FBXW4: variants seen among roughly 807,000 people sequenced by gnomAD.
The protein encoded by FBXW4 is F-box/WD repeat-containing protein 4.
Under a neutral mutation model 61.8 loss-of-function variants are expected in FBXW4, and 40 were observed. The observed-to-expected ratio is 0.65, with a 90% CI of 0.50 to 0.84. The LOEUF (loss-of-function observed/expected upper bound fraction) is 0.84. Among genes scored for constraint, FBXW4 ranks in the 40% least tolerant of loss-of-function variants. The pLI is 0.00. For synonymous variants in FBXW4, 311 were observed against 313.8 expected (o/e 0.99, Z 0.10); for missense variants, 672 against 753.8 (o/e 0.89, Z 1.27).
At chr10:101,680,413 C>T (rs1296826210) in intron 1 of FBXW4, among the ~76,000 whole-genome samples, 1 of 152,002 alleles carries the variant, frequency 6.6e-6, no homozygotes, top group Non-Finnish European at 1.5e-5. Flanking sequence ...TTAAAAGCAA[C>T]AGAGTAGGGG....
chr10:101,651,255 C>T (rs915735779), intron 5 of FBXW4, among the ~76,000 whole-genome samples: 9 of 151,930 alleles, frequency 5.9e-5, no homozygotes, highest in Non-Finnish European at 1.2e-4. Flanking sequence ...CATTGTGCCC[C>T]AGAAAGAGGG....
At chr10:101,640,882 G>C (rs569129965) in intron 5 of FBXW4, among the ~76,000 whole-genome samples, 1 of 151,234 alleles carries the variant, frequency 6.6e-6, no homozygotes, top group South Asian at 2.1e-4. Context: ...TCAGGCTGGA[G>C]TACAATGGTG....
intron 5 of FBXW4, among the ~76,000 whole-genome samples, chr10:101,641,814 T>C (rs1455969481): frequency 6.6e-6 from 1 of 152,126 alleles, no homozygotes; most frequent in Non-Finnish European, 1.5e-5. Flanking sequence ...CAAAATAATA[T>C]ATGAGATGTT....
chr10:101,679,398 G>A (rs1189971564), intron 1 of FBXW4, among the ~76,000 whole-genome samples: 1 of 152,100 alleles, frequency 6.6e-6, no homozygotes, highest in Non-Finnish European at 1.5e-5. Flanking sequence ...TTTCTAGAAA[G>A]TATATTCTTT....
intron 1 of FBXW4, among the ~76,000 whole-genome samples, chr10:101,681,512 C>CA (rs1391477546): frequency 6.6e-6 from 1 of 150,528 alleles, no homozygotes; most frequent in Non-Finnish European, 1.5e-5. Flanking sequence ...GGTCAGGAGA[C>CA]AGAGACCATC....
chr10:101,622,455 C>T lies in FBXW4; in HGVS notation c.1301+2290G>A, dbSNP rs545303383. Among the ~76,000 whole-genome samples, 8 of 152,266 alleles carry T rather than the reference C, an allele frequency of 5.3e-5. No homozygotes were observed. The South Asian group carries it at 6.2e-4, about 12-fold the overall frequency. On this transcript the variant is annotated intron_variant, in intron 6 of 8. Coordinates refer to ENST00000331272, the MANE Select transcript of FBXW4 (RefSeq NM_022039.4). ...GGATAAAAAGACAAGCAGCCGGGTG[C>T]GGTGGCTCACGCCTGTAATCCCAGC...
intron 5 of FBXW4, among the ~76,000 whole-genome samples, chr10:101,642,442 TG>T: frequency 6.6e-6 from 1 of 151,722 alleles, no homozygotes; most frequent in African/African-American, 2.4e-5. Flanking sequence ...CAGGTTCCTC[TG>T]AAGTCCCATC....
chr10:101,684,908 G>A (rs796801069), intron 1 of FBXW4, among the ~76,000 whole-genome samples: 1 of 152,148 alleles, frequency 6.6e-6, no homozygotes, highest in Non-Finnish European at 1.5e-5. Context: ...AAACATGCCA[G>A]CATGAGGACA....
At chr10:101,653,422 T>G (rs909425177) in intron 5 of FBXW4, among the ~76,000 whole-genome samples, 30 of 152,178 alleles carry the variant, frequency 2.0e-4, no homozygotes, top group African/African-American at 7.2e-4. Context: ...AAAACTAGAC[T>G]CCAAATTTCC....
chr10:101,626,216 T>C (rs2063906422), intron 5 of FBXW4: 1 of 152,400 alleles, frequency 6.6e-6, no homozygotes, highest in Admixed American at 6.6e-5. Flanking sequence ...AACTATAGAG[T>C]GGGAGTGCCA....
intron 5 of FBXW4, among the ~76,000 whole-genome samples, chr10:101,654,347 C>T (rs1249215264): frequency 2.0e-5 from 3 of 151,926 alleles, no homozygotes; most frequent in Non-Finnish European, 4.4e-5. Context: ...GAATTGTACA[C>T]TTAAATTGTA....
At chr10:101,645,684 T>C (rs1393970149) in intron 5 of FBXW4, among the ~76,000 whole-genome samples, 1 of 152,224 alleles carries the variant, frequency 6.6e-6, no homozygotes, top group African/African-American at 2.4e-5. Flanking sequence ...ACCAAATTCA[T>C]ATAGGCTTGC....
intron 5 of FBXW4, among the ~76,000 whole-genome samples, chr10:101,638,999 A>T (rs2064027912): frequency 6.6e-6 from 1 of 152,256 alleles, no homozygotes. Flanking sequence ...ATCTATGTAC[A>T]CAATAGGTAA....
intron 5 of FBXW4, among the ~76,000 whole-genome samples, chr10:101,666,116 A>G (rs1011045078): frequency 3.3e-5 from 5 of 152,328 alleles, no homozygotes; most frequent in Admixed American, 1.3e-4. Context: ...GAAACTGAGG[A>G]GGAGACAAAG....
intron 6 of FBXW4, among the ~76,000 whole-genome samples, chr10:101,618,576 C>T (rs1198272458): frequency 1.3e-5 from 2 of 152,118 alleles, no homozygotes; most frequent in Admixed American, 6.5e-5. Context: ...CAGGGATGAC[C>T]CTGGCCCAAA....
rs74958458 is a variant in FBXW4, at chr10:101,664,401, A to G, written c.1235+3485T>C. On this transcript the variant is annotated intron_variant, in intron 5 of 8. Transcript: ENST00000331272. ...ATAAGGGAGCAACAAAGGGTTGAGA[A>G]ATTGGCAGGTAAACCAGGAGTACCT... Among the ~76,000 whole-genome samples, 138 of 152,362 alleles carry G rather than the reference A, an allele frequency of 9.1e-4. No homozygotes were observed. The East Asian group carries it at 0.018, about 20-fold the overall frequency.
At chr10:101,680,352 A>T (rs1293951668) in intron 1 of FBXW4, among the ~76,000 whole-genome samples, 1 of 152,228 alleles carries the variant, frequency 6.6e-6, no homozygotes, top group Admixed American at 6.5e-5. Flanking sequence ...ATTATAAAGT[A>T]TTTGAGTTTA....
intron 5 of FBXW4, among the ~76,000 whole-genome samples, chr10:101,636,768 T>C (rs889635097): frequency 6.6e-6 from 1 of 152,014 alleles, no homozygotes; most frequent in African/African-American, 2.4e-5. Context: ...TTTGTGTTTT[T>C]AGTAGAGACG....
At chr10:101,633,771 A>G (rs772959678) in intron 5 of FBXW4, among the ~76,000 whole-genome samples, 7 of 151,980 alleles carry the variant, frequency 4.6e-5, no homozygotes, top group South Asian at 2.1e-4. Context: ...CAGCAATAAC[A>G]AACTGTTATT....
Sources: gnomAD v4.1 joint callset for allele counts (sites outside exome capture counted in the v4.1 genomes callset) on GRCh38, gnomAD v4.1.1 for gene constraint, MANE v1.5 for transcripts, NCBI Gene and HGNC (gene_info 2026-07-23, HGNC 2026-07-21) for gene names.